TTC28: variants seen among roughly 807,000 people sequenced by gnomAD.
The protein encoded by TTC28 is tetratricopeptide repeat domain 28, also known as tetratricopeptide repeat protein 28.
In TTC28, 61 loss-of-function variants were observed where a neutral mutation model predicts 198.0. That is an observed-to-expected ratio of 0.31 (90% CI 0.25 to 0.38). The LOEUF is 0.38. Ranked by LOEUF, TTC28 falls within the 10% of genes least tolerant of loss-of-function variation. The pLI is 1.00. For missense variants in TTC28, 2,678 were observed against 3,164.0 expected (o/e 0.85, Z 3.69); for synonymous variants, 1,171 against 1,297.8 (o/e 0.90, Z 2.10).
chr22:28,567,083 C>T (rs1362066884), intron 2 of TTC28, among the ~76,000 whole-genome samples: 2 of 151,956 alleles, frequency 1.3e-5, no homozygotes, highest in Admixed American at 6.6e-5. Flanking sequence ...GGCATGGTGG[C>T]GGACGCCTGT....
chr22:28,042,425 T>C (rs1378106046), intron 12 of TTC28, among the ~76,000 whole-genome samples: 2 of 152,160 alleles, frequency 1.3e-5, no homozygotes, highest in Non-Finnish European at 1.5e-5. Context: ...GTTCATAACC[T>C]TTGCAGGGAC....
chr22:28,264,682 G>T (rs987369534), intron 5 of TTC28, among the ~76,000 whole-genome samples: 1 of 152,124 alleles, frequency 6.6e-6, no homozygotes, highest in Non-Finnish European at 1.5e-5. Context: ...AGACTGCCTT[G>T]GTTGTGGAGA....
At chr22:28,367,906 A>G (rs2046273599) in intron 2 of TTC28, among the ~76,000 whole-genome samples, 1 of 152,098 alleles carries the variant, frequency 6.6e-6, no homozygotes, top group Non-Finnish European at 1.5e-5. Context: ...AAGTAATGAG[A>G]TTAAAGCTGT....
At chr22:28,624,302 C>T (rs975380472) in intron 2 of TTC28, among the ~76,000 whole-genome samples, 13 of 151,744 alleles carry the variant, frequency 8.6e-5, no homozygotes, top group Non-Finnish European at 1.5e-4. Context: ...GGCGTGAACC[C>T]GGGAGGCAGA....
intron 2 of TTC28, 129 bp from the exon 3 acceptor site, chr22:28,306,772 G>T: frequency 1.0e-6 from 1 of 963,562 alleles, no homozygotes. Context: ...CTAGTGAACA[G>T]TTGGTAATGA....
At chr22:28,615,858 T>C (rs906305923) in intron 2 of TTC28, among the ~76,000 whole-genome samples, 3 of 152,094 alleles carry the variant, frequency 2.0e-5, no homozygotes, top group Admixed American at 1.3e-4. Context: ...ACAAGTTGAT[T>C]GGGTGCAGCA....
At chr22:27,993,913 A>T (rs1272113036) in intron 17 of TTC28, among the ~76,000 whole-genome samples, 2 of 152,180 alleles carry the variant, frequency 1.3e-5, no homozygotes, top group African/African-American at 4.8e-5. Context: ...CACTGCCCAC[A>T]GCCCAGCCCC....
At chr22:28,127,444 A>T (rs1052401318) in intron 6 of TTC28, among the ~76,000 whole-genome samples, 4 of 152,130 alleles carry the variant, frequency 2.6e-5, no homozygotes, top group African/African-American at 9.7e-5. Context: ...CCCCTCAACA[A>T]TAAGGAAGTT....
chr22:28,382,847 A>G (rs574627364), intron 2 of TTC28, among the ~76,000 whole-genome samples: 5 of 152,306 alleles, frequency 3.3e-5, no homozygotes, highest in African/African-American at 1.2e-4. Context: ...TATGCACCTA[A>G]TAACAGAACT....
chr22:28,602,890 A>AT (rs1369710262), intron 2 of TTC28, among the ~76,000 whole-genome samples: 4 of 152,106 alleles, frequency 2.6e-5, no homozygotes, highest in Admixed American at 2.6e-4. Context: ...AGTTCTTTTT[A>AT]TTTTTTTGAG....
chr22:28,532,949 C>T (rs763995651), intron 2 of TTC28, among the ~76,000 whole-genome samples: 3 of 152,312 alleles, frequency 2.0e-5, no homozygotes, highest in Non-Finnish European at 4.4e-5. Context: ...CAGCCAATGT[C>T]ATACTGAATG....
intron 6 of TTC28, among the ~76,000 whole-genome samples, chr22:28,148,992 G>T: frequency 6.6e-6 from 1 of 152,148 alleles, no homozygotes; most frequent in East Asian, 1.9e-4. Context: ...AGTAATTAAT[G>T]AGTCACTTAA....
rs542740835 is a variant in TTC28 at position 28,411,703 on chromosome 22, T to C, written c.382-105060A>G. On this transcript the variant is annotated intron_variant, in intron 2 of 22. Coordinates refer to ENST00000397906, the MANE Select transcript of TTC28 (RefSeq NM_001145418.2). The stretch of plus-strand genomic sequence containing the variant: ...TCTGTGGTTGCATAGGCAGTGAAAA[T>C]AGTGCCTTAAGAAGAATAGTTCCAA... Among the ~76,000 whole-genome samples the C allele has an allele frequency of 1.1e-4, 16 of 152,298 alleles. No individual in the cohort carries two copies. In the South Asian group the frequency reaches 3.1e-3, roughly 30 times the overall value.
intron 2 of TTC28, among the ~76,000 whole-genome samples, chr22:28,324,679 A>G (rs1046637550): frequency 6.6e-6 from 1 of 152,204 alleles, no homozygotes; most frequent in African/African-American, 2.4e-5. Context: ...GGCCTTCGAT[A>G]AAATTCAACA....
intron 6 of TTC28, among the ~76,000 whole-genome samples, chr22:28,145,803 A>G (rs139713514): frequency 1.3e-5 from 2 of 152,366 alleles, no homozygotes; most frequent in African/African-American, 4.8e-5. Context: ...CTACAATGAT[A>G]ATAATGATTA....
intron 5 of TTC28, among the ~76,000 whole-genome samples, chr22:28,292,226 T>C (rs2044801649): frequency 6.6e-6 from 1 of 152,088 alleles, no homozygotes; most frequent in South Asian, 2.1e-4. Context: ...CTCTCTCTCT[T>C]GCCCAGACTG....
At chr22:28,267,953 A>G (rs1462855944) in intron 5 of TTC28, among the ~76,000 whole-genome samples, 1 of 152,220 alleles carries the variant, frequency 6.6e-6, no homozygotes, top group East Asian at 1.9e-4. Flanking sequence ...TGACATTTTC[A>G]AAGTTTAATA....
chr22:28,023,255 C>T (rs978338752), intron 13 of TTC28, among the ~76,000 whole-genome samples: 5 of 152,244 alleles, frequency 3.3e-5, no homozygotes, highest in Non-Finnish European at 7.3e-5. Context: ...GGTGCCCGGC[C>T]TCTGCCCACT....
At chr22:28,475,173 G>GAAAGA (rs1473243228) in intron 2 of TTC28, among the ~76,000 whole-genome samples, 4 of 121,078 alleles carry the variant, frequency 3.3e-5, no homozygotes, top group Non-Finnish European at 7.0e-5. Context: ...AAAAAAAAAA[G>GAAAGA]AAAGAAAAGA....
Sources: allele counts gnomAD v4.1 joint callset (sites outside exome capture counted in the v4.1 genomes callset), GRCh38; gene constraint gnomAD v4.1.1; transcripts MANE v1.5; gene names NCBI Gene and HGNC (gene_info 2026-07-23, HGNC 2026-07-21).